TBC1D5: variants seen among roughly 807,000 people sequenced by gnomAD.
TBC1D5 encodes the protein TBC1 domain family member 5, also known as TBC1 domain family, member 5.
A neutral mutation model predicts 100.3 loss-of-function variants in TBC1D5; 75 were observed. That is an observed-to-expected ratio of 0.75 (90% CI 0.62 to 0.91). The LOEUF (loss-of-function observed/expected upper bound fraction) is 0.91. TBC1D5 is among the 40% of genes least tolerant of loss of function. TBC1D5 has a pLI of 0.00. For missense variants in TBC1D5, 910 were observed against 942.4 expected, an observed-to-expected ratio of 0.97 and a Z score of 0.45; for synonymous variants, 323 against 325.6, an observed-to-expected ratio of 0.99 and a Z score of 0.09.
chr3:17,433,025 C>T (rs944496256), intron 3 of TBC1D5, among the ~76,000 whole-genome samples: 10 of 111,138 alleles, frequency 9.0e-5, no homozygotes, highest in Admixed American at 7.1e-4. Flanking sequence ...TACACTTGCC[C>T]TTGCCCCACC....
rs891904606 is a variant in TBC1D5, at chr3:17,272,893, A to G, written c.1246-14302T>C. On this transcript the variant is annotated intron_variant, in intron 15 of 21. Transcript: ENST00000253692. ...ATAACTGATTGGGAAATGCTAAAGTATATGTGTTTGAAAATAGTCATTCCT... is the reference window on the plus strand; with the variant it reads ...ATAACTGATTGGGAAATGCTAAAGTGTATGTGTTTGAAAATAGTCATTCCT... Among the ~76,000 whole-genome samples, 6 of 152,374 alleles carry G rather than the reference A, an allele frequency of 3.9e-5. No individual in the cohort carries two copies. In the South Asian group the frequency reaches 8.3e-4, roughly 21 times the overall value.
At chr3:17,731,851 A>T (rs1219399684) in intron 1 of TBC1D5, among the ~76,000 whole-genome samples, 1 of 152,200 alleles carries the variant, frequency 6.6e-6, no homozygotes, top group Non-Finnish European at 1.5e-5. Flanking sequence ...AAATTAATTT[A>T]ATTAAAAAAC....
intron 4 of TBC1D5, among the ~76,000 whole-genome samples, chr3:17,420,013 C>T (rs890527982): frequency 6.6e-6 from 1 of 152,044 alleles, no homozygotes; most frequent in Admixed American, 6.6e-5. Context: ...TGATAAATGC[C>T]TCCATTATAA....
intron 3 of TBC1D5, among the ~76,000 whole-genome samples, chr3:17,445,435 T>G (rs760476737): frequency 7.9e-5 from 12 of 152,148 alleles, no homozygotes; most frequent in Non-Finnish European, 1.8e-4. Flanking sequence ...AATAAAAAGA[T>G]ATATAATATA....
chr3:17,261,002 T>C (rs1361854238), intron 15 of TBC1D5, among the ~76,000 whole-genome samples: 3 of 149,068 alleles, frequency 2.0e-5, no homozygotes, highest in Non-Finnish European at 4.4e-5. Context: ...AACAGCCACA[T>C]GTGGCAAGTG....
intron 13 of TBC1D5, among the ~76,000 whole-genome samples, chr3:17,337,123 G>GTTTTTT (rs11328091): frequency 5.2e-5 from 6 of 116,132 alleles, no homozygotes; most frequent in African/African-American, 1.8e-4. Flanking sequence ...TATCTGAGAG[G>GTTTTTT]TTTTTTTTTT....
intron 3 of TBC1D5, among the ~76,000 whole-genome samples, chr3:17,434,964 A>G (rs1393690328): frequency 2.0e-5 from 3 of 152,244 alleles, no homozygotes; most frequent in African/African-American, 7.2e-5. Flanking sequence ...TCACTAGGGC[A>G]GGGGCAAAAT....
intron 15 of TBC1D5, among the ~76,000 whole-genome samples, chr3:17,276,906 C>A (rs1382574167): frequency 6.6e-6 from 1 of 152,206 alleles, no homozygotes; most frequent in Non-Finnish European, 1.5e-5. Context: ...AATTTTTCAT[C>A]CTGCTGGCAA....
chr3:17,562,561 T>A (rs1341079578), intron 2 of TBC1D5, among the ~76,000 whole-genome samples: 1 of 149,050 alleles, frequency 6.7e-6, no homozygotes, highest in Non-Finnish European at 1.5e-5. Flanking sequence ...TAAACACTGC[T>A]CAAAACTTAA....
At chr3:17,491,732 G>A (rs2095642681) in intron 3 of TBC1D5, among the ~76,000 whole-genome samples, 1 of 152,124 alleles carries the variant, frequency 6.6e-6, no homozygotes, top group Admixed American at 6.6e-5. Flanking sequence ...CTGCATTGAT[G>A]TTCATCAGGG....
At chr3:17,221,948 T>C (rs1487484559) in intron 17 of TBC1D5, among the ~76,000 whole-genome samples, 1 of 152,260 alleles carries the variant, frequency 6.6e-6, no homozygotes, top group Non-Finnish European at 1.5e-5. Context: ...CAGCAACTTA[T>C]CCTTCTTCTG....
At chr3:17,223,336 C>CA (rs1355140812) in intron 17 of TBC1D5, among the ~76,000 whole-genome samples, 1 of 152,010 alleles carries the variant, frequency 6.6e-6, no homozygotes, top group South Asian at 2.1e-4. Flanking sequence ...ATTCCCCCCG[C>CA]AAAAAAGTCA....
At position 17,395,525 on chromosome 3, in the gene TBC1D5, C is replaced by T. The variant is rs548482347; in HGVS notation, c.509+7656G>A. 2.0e-4 allele frequency among the ~76,000 whole-genome samples: 30 copies of T among 152,258 alleles called. No homozygotes were observed. In the South Asian group the frequency reaches 4.8e-3, roughly 24 times the overall value. On this transcript the variant is annotated intron_variant, in intron 8 of 21. Transcript: ENST00000253692. ...AGACTGTGTTACACTACCAAACAGG[C>T]TGTGCCCACTGGGAATATTATTTTA...
At chr3:17,338,110 CAG>C (rs2088227714) in intron 13 of TBC1D5, among the ~76,000 whole-genome samples, 1 of 152,090 alleles carries the variant, frequency 6.6e-6, no homozygotes, top group Non-Finnish European at 1.5e-5. Context: ...TTAAATTTTG[CAG>C]AGTTCAGGGG....
chr3:17,299,017 TTTATAAA>T (rs2082541917), intron 14 of TBC1D5, among the ~76,000 whole-genome samples: 1 of 152,224 alleles, frequency 6.6e-6, no homozygotes, highest in South Asian at 2.1e-4. Flanking sequence ...AGTTAGGCAA[TTTATAAA>T]TTATGGTAAA....
chr3:17,711,418 A>G (rs562767319), intron 1 of TBC1D5, among the ~76,000 whole-genome samples: 19 of 152,284 alleles, frequency 1.2e-4, no homozygotes, highest in Admixed American at 9.8e-4. Flanking sequence ...AACACTACCA[A>G]TATCTTCAAG....
intron 3 of TBC1D5, among the ~76,000 whole-genome samples, chr3:17,483,861 G>A (rs2095528614): frequency 6.6e-6 from 1 of 152,082 alleles, no homozygotes; most frequent in Admixed American, 6.5e-5. Flanking sequence ...TTTAACCTTT[G>A]AAAGAGTAAA....
chr3:17,552,717 G>T (rs550048040), intron 2 of TBC1D5, among the ~76,000 whole-genome samples: 19 of 152,040 alleles, frequency 1.2e-4, no homozygotes, highest in Admixed American at 9.8e-4. Flanking sequence ...GAGAGAGAAT[G>T]GGGTCTATTT....
chr3:17,359,262 A>T (rs1027038307), intron 13 of TBC1D5, among the ~76,000 whole-genome samples: 2 of 152,100 alleles, frequency 1.3e-5, no homozygotes, highest in African/African-American at 4.8e-5. Flanking sequence ...AATAAATGAC[A>T]ATTTTTCTTA....
Sources: gnomAD v4.1 joint callset for allele counts (sites outside exome capture counted in the v4.1 genomes callset) on GRCh38, gnomAD v4.1.1 for gene constraint, MANE v1.5 for transcripts, NCBI Gene and HGNC (gene_info 2026-07-23, HGNC 2026-07-21) for gene names.